The following GLE1 variants were observed in gnomAD, a reference collection of about 807,000 sequenced individuals.
GLE1 encodes mRNA export factor GLE1.
Under a neutral mutation model 97.3 loss-of-function variants are expected in GLE1, and 78 were observed. That is an observed-to-expected ratio of 0.80 (90% CI 0.67 to 0.97). The LOEUF is 0.97. GLE1 is among the 50% of genes least tolerant of loss of function. GLE1 has a pLI of 0.00. For missense variants in GLE1, 753 were observed against 857.5 expected, an observed-to-expected ratio of 0.88 and a Z score of 1.52; for synonymous variants, 302 against 313.4, an observed-to-expected ratio of 0.96 and a Z score of 0.39.
At chr9:128,515,426 T>G (rs559533843) in intron 2 of GLE1, 103 bp from the exon 3 acceptor site, 4 of 711,374 alleles carry the variant, frequency 5.6e-6, no homozygotes, top group South Asian at 1.5e-5. Context: ...TATTGGTGGT[T>G]GTTCATAAGT....
At chr9:128,541,001 G>A in intron 15 of GLE1, 101 bp from the exon 16 acceptor site, 1 of 797,052 alleles carries the variant, frequency 1.3e-6, no homozygotes, top group East Asian at 2.4e-5. Context: ...CTGTTCCATA[G>A]GGCTGAAATA....
At chr9:128,540,072 C>T (rs1241091921) in intron 14 of GLE1, among the ~76,000 whole-genome samples, 1 of 152,006 alleles carries the variant, frequency 6.6e-6, no homozygotes, top group East Asian at 1.9e-4. Flanking sequence ...AAAAATTAGC[C>T]AGGCATGATG....
rs553013675 is a variant in GLE1 at position 128,511,297 on chromosome 9, G to T, written c.321+2200G>T. On this transcript the variant is annotated intron_variant, in intron 2 of 15. Coordinates refer to ENST00000309971, the MANE Select transcript of GLE1 (RefSeq NM_001003722.2). ...ATACATAAATATATATATTTATGTT[G>T]ATTTTGTTGTTGTTGTTGTTGCCAG... Among the ~76,000 whole-genome samples the T allele has an allele frequency of 7.0e-4, 104 of 149,176 alleles. 8 individuals are homozygous for T. The South Asian group carries it at 0.022, about 31-fold the overall frequency.
chr9:128,504,937 C>T, intron 1 of GLE1, 33 bp downstream of exon 1: 1 of 1,432,368 alleles, frequency 7.0e-7, no homozygotes, highest in South Asian at 1.1e-5. Context: ...GTAGGCCTTT[C>T]CGGCCCCTCG....
chr9:128,538,041 T>C lies in GLE1; in HGVS notation c.1832T>C (p.Met611Thr), dbSNP rs755497527. The change falls in exon 13 of 16, where the codon ATG (methionine) becomes ACG (threonine). Residue 611 changes from methionine to threonine, a missense_variant. By Grantham distance (81) the Met-to-Thr change is moderately conservative. Transcript: ENST00000309971. ...CGCTGGTTGGCACAGATCTTAAACATGGAGCCCTTGTCAGATGTGACAGCC... is the reference window on the plus strand; with the variant it reads ...CGCTGGTTGGCACAGATCTTAAACACGGAGCCCTTGTCAGATGTGACAGCC... The part of the protein sequence containing the change: ...GWRWLAQILN[M>T]EPLSDVTATL... 13 of 1,612,886 alleles carry C rather than the reference T, an allele frequency of 8.1e-6. No homozygotes were observed. The Admixed American group carries it at 1.5e-4, about 19-fold the overall frequency.
intron 13 of GLE1, 49 bp from the exon 14 acceptor site, chr9:128,539,563 TGTGA>T: frequency 6.8e-7 from 1 of 1,481,208 alleles, no homozygotes; most frequent in Non-Finnish European, 9.4e-7. Context: ...GAATCTGTCC[TGTGA>T]GTGTGAATTT....
chr9:128,520,360 G>A (rs561982467), intron 3 of GLE1, among the ~76,000 whole-genome samples: 418 of 147,978 alleles, frequency 2.8e-3, no homozygotes, highest in African/African-American at 9.3e-3. Flanking sequence ...ATATGTATGT[G>A]TGTATATATG....
At chr9:128,525,003 G>T (rs1478561917) in intron 6 of GLE1, among the ~76,000 whole-genome samples, 189 bp from the exon 7 acceptor site, 1 of 152,112 alleles carries the variant, frequency 6.6e-6, no homozygotes, top group African/African-American at 2.4e-5. Flanking sequence ...TTTATACTTA[G>T]AAACTATGGA....
At chr9:128,531,108 G>A (rs6478835) in intron 9 of GLE1, among the ~76,000 whole-genome samples, 16,750 of 151,368 alleles carry the variant, frequency 0.11, 1,304 homozygotes, top group East Asian at 0.39. Flanking sequence ...CAGCTACTCA[G>A]GAGGCTGAGG....
At chr9:128,511,196 T>G (rs1013489132) in intron 2 of GLE1, among the ~76,000 whole-genome samples, 1 of 150,784 alleles carries the variant, frequency 6.6e-6, no homozygotes, top group Non-Finnish European at 1.5e-5. Flanking sequence ...GGAGCAAGAC[T>G]CAGTCTCAAA....
chr9:128,536,348 C>G lies in GLE1; in HGVS notation c.1647-7C>G. The G allele has an allele frequency of 6.2e-7, 1 of 1,612,142 alleles. No homozygotes were observed. Among genetic ancestry groups the G allele is most frequent in the East Asian group, 2.2e-5 (1 of 44,692 alleles). On this transcript the variant is annotated splice_region_variant and splice_polypyrimidine_tract_variant and intron_variant, in intron 11 of 15. Transcript: ENST00000309971. ...CACACCCGGCCAAATTTTTTCTTCCCGTATAGGATGCTTGGTTACCAAGTA... is the reference window on the plus strand; with the variant it reads ...CACACCCGGCCAAATTTTTTCTTCCGGTATAGGATGCTTGGTTACCAAGTA...
In GLE1 at chr9:128,534,027, C is replaced by T. The variant is rs1847614337; in HGVS notation, c.1646+76C>T. ...ATAAATAGAATTGGAATTTGTTTTT[C>T]CCTCCTCACAGCTCCTATTACGTAC... On this transcript the variant is annotated intron_variant, in intron 11 of 15. Transcript: ENST00000309971. The T allele has an allele frequency of 2.0e-5, 20 of 981,134 alleles. No individual in the cohort carries two copies. The South Asian group carries it at 2.4e-4, about 12-fold the overall frequency. 60.8% of individuals were successfully genotyped at this position (981,134 alleles called of 1,614,324 possible). A position where few individuals can be genotyped will look rare whatever the true frequency, so the allele number is the denominator to read the frequency against.
intron 3 of GLE1, among the ~76,000 whole-genome samples, chr9:128,519,130 T>C (rs1025858013): frequency 6.6e-6 from 1 of 152,200 alleles, no homozygotes. Flanking sequence ...CTCTTAATCC[T>C]GTCAGCTGAA....
intron 9 of GLE1, among the ~76,000 whole-genome samples, chr9:128,530,685 G>A (rs1047828821): frequency 3.3e-5 from 5 of 151,050 alleles, no homozygotes; most frequent in African/African-American, 7.3e-5. Context: ...CGAGCCTGGC[G>A]GGTCACCAGG....
At chr9:128,532,209 C>CTTTTTTTTTTTTTTTT (rs1160924908) in intron 9 of GLE1, among the ~76,000 whole-genome samples, 7 of 49,386 alleles carry the variant, frequency 1.4e-4, no homozygotes, top group Admixed American at 6.7e-4. Flanking sequence ...ATCTGCTTTG[C>CTTTTTTTTTTTTTTTT]TTTTTTTTTT....
At chr9:128,538,124 A>G in intron 13 of GLE1, 34 bp downstream of exon 13, 2 of 1,181,276 alleles carry the variant, frequency 1.7e-6, no homozygotes, top group Non-Finnish European at 2.5e-6. Flanking sequence ...AGAGAAGGCC[A>G]GTGGTTGAGG....
intron 9 of GLE1, among the ~76,000 whole-genome samples, chr9:128,530,125 C>T (rs531024608): frequency 2.0e-5 from 3 of 152,244 alleles, no homozygotes; most frequent in South Asian, 2.1e-4. Context: ...CAGTTCTTTT[C>T]GTTCTCTCTA....
chr9:128,524,731 A>C (rs2132463569), intron 6 of GLE1, among the ~76,000 whole-genome samples: 1 of 151,314 alleles, frequency 6.6e-6, no homozygotes, highest in South Asian at 2.1e-4. Flanking sequence ...GTCTCTACTA[A>C]AAATACAAAA....
chr9:128,513,719 AAAAG>A (rs1275221639), intron 2 of GLE1, among the ~76,000 whole-genome samples: 1 of 151,596 alleles, frequency 6.6e-6, no homozygotes. Flanking sequence ...AAAAAAAAAA[AAAAG>A]AAAAGAAAAA....
Sources: gnomAD v4.1 joint callset for allele counts (sites outside exome capture counted in the v4.1 genomes callset) on GRCh38, gnomAD v4.1.1 for gene constraint, MANE v1.5 for transcripts, NCBI Gene and HGNC (gene_info 2026-07-23, HGNC 2026-07-21) for gene names.